Variants in URGCP observed in about 807,000 individuals in gnomAD.
The protein encoded by URGCP is upregulator of cell proliferation, also known as up-regulator of cell proliferation.
Under a neutral mutation model 24.6 loss-of-function variants are expected in URGCP, and 13 were observed. The observed-to-expected ratio is 0.53, with a 90% CI of 0.34 to 0.84. The LOEUF is 0.84. Ranked by LOEUF, URGCP falls within the 40% of genes least tolerant of loss-of-function variation. The pLI is 0.01. For synonymous variants in URGCP, 444 were observed against 487.2 expected, an observed-to-expected ratio of 0.91 and a Z score of 1.17; for missense variants, 899 against 1,194.3, an observed-to-expected ratio of 0.75 and a Z score of 3.64.
intron 1 of URGCP, among the ~76,000 whole-genome samples, chr7:43,896,820 T>TA (rs1320895681): frequency 6.6e-6 from 1 of 152,212 alleles, no homozygotes; most frequent in African/African-American, 2.4e-5. Context: ...CAAAGGGACT[T>TA]ACATACATCT....
intron 1 of URGCP, among the ~76,000 whole-genome samples, chr7:43,902,184 G>T (rs1298972564): frequency 6.9e-6 from 1 of 144,420 alleles, no homozygotes; most frequent in Non-Finnish European, 1.5e-5. Flanking sequence ...GAGGAGGGGG[G>T]AAGAAGAGGG....
chr7:43,877,351 G>C lies in URGCP; in HGVS notation c.2112C>G (p.Gly704=). The part of the protein sequence containing the change: ...VLSTVGVPGT[G]KSTLLNTMFG... ...ACATGGTGTTGAGGAGTGTGGACTT[G>C]CCCGTGCCTGGCACCCCGACGGTTG... Residue 704 remains glycine (G), a synonymous_variant, in exon 6 of 6, where the codon GGC becomes GGG. Transcript: ENST00000453200. 2 of 1,612,592 alleles carry C rather than the reference G, an allele frequency of 1.2e-6. No individual in the cohort carries two copies. Among genetic ancestry groups the C allele is most frequent in the Non-Finnish European group, 8.5e-7 (1 of 1,180,016 alleles).
chr7:43,904,055 CTCTCTGCCG>C (rs1347491169), intron 1 of URGCP, among the ~76,000 whole-genome samples: 3 of 152,226 alleles, frequency 2.0e-5, no homozygotes, highest in Admixed American at 1.3e-4. Context: ...GTCTTCTGCC[CTCTCTGCCG>C]TCTCTATACT....
chr7:43,892,662 C>T (rs910784694), intron 1 of URGCP, among the ~76,000 whole-genome samples: 2 of 151,936 alleles, frequency 1.3e-5, no homozygotes, highest in Non-Finnish European at 2.9e-5. Context: ...GAAATCACAC[C>T]CTATCTCCAA....
rs1364414197 is a variant in URGCP, at chr7:43,876,495, T to C, written c.*172A>G. 1.4e-6 allele frequency: 1 copy of C among 692,730 alleles called. No individual in the cohort carries two copies. The highest frequency in any genetic ancestry group is 1.8e-5 in the African/African-American group (1 of 55,046). 42.9% of individuals were successfully genotyped at this position (692,730 alleles called of 1,614,324 possible). A position where few individuals can be genotyped will look rare whatever the true frequency, so the allele number is the denominator to read the frequency against. On this transcript the variant is annotated 3_prime_UTR_variant, in exon 6 of 6. Coordinates refer to ENST00000453200, the MANE Select transcript of URGCP (RefSeq NM_001077663.3). ...TCTCTGAGCTGGTCTGTGAGGTCACTTCCTCTTTTAACACTGTTGAGGAGA... is the reference window on the plus strand; with the variant it reads ...TCTCTGAGCTGGTCTGTGAGGTCACCTCCTCTTTTAACACTGTTGAGGAGA...
rs2095844403 is a variant in URGCP, at chr7:43,876,428, G to C, written c.*239C>G. ...AGGAGCTGAGACAGAACAAACTGCT[G>C]CTTGTCTCCCTACCCTGGGGGCTGT... On this transcript the variant is annotated 3_prime_UTR_variant, in exon 6 of 6. Coordinates refer to ENST00000453200, the MANE Select transcript of URGCP (RefSeq NM_001077663.3). 36 of 545,050 alleles carry C rather than the reference G, an allele frequency of 6.6e-5. 1 individual carries two copies. The South Asian group carries it at 7.9e-4, about 12-fold the overall frequency. The allele number at this position is 545,050 out of a possible 1,614,324, so 33.8% of individuals were successfully genotyped here.
At position 43,877,142 on chromosome 7, in the gene URGCP, A is replaced by C. The variant is rs771065434; in HGVS notation, c.2321T>G (p.Leu774Trp). Residue 774 changes from leucine (L) to tryptophan (W), a missense_variant, in exon 6 of 6, where the codon TTG (leucine) becomes TGG (tryptophan). By Grantham distance (61) the Leu-to-Trp change is moderately conservative. Coordinates refer to ENST00000453200, the MANE Select transcript of URGCP (RefSeq NM_001077663.3). Reference sequence around the variant, plus strand: ...GCTCAGTCCCATGAGCAGAGTGGCCAAGGAAGCCTCCAGCTCAAATCTGTC... The same window carrying C: ...GCTCAGTCCCATGAGCAGAGTGGCCCAGGAAGCCTCCAGCTCAAATCTGTC... The part of the protein sequence containing the change: ...AGDRFELEAS[L>W]ATLLMGLSNV... The C allele has an allele frequency of 1.2e-6, 2 of 1,614,212 alleles. No homozygotes were observed. The highest frequency in any genetic ancestry group is 1.7e-6 in the Non-Finnish European group (2 of 1,180,026).
Position 43,876,652 on chromosome 7 carries a change from G to T in URGCP, c.*15C>A. 6.2e-7 allele frequency: 1 copy of T among 1,609,630 alleles called. No individual in the cohort carries two copies. Among genetic ancestry groups the T allele is most frequent in the Non-Finnish European group, 8.5e-7 (1 of 1,177,424 alleles). On this transcript the variant is annotated 3_prime_UTR_variant, in exon 6 of 6. Transcript: ENST00000453200. Reference sequence around the variant, plus strand: ...ACAGCAGCCTCCTACACCTGAACTGGGTTTCTCTGCACACTCACAGCCGTC... The same window carrying T: ...ACAGCAGCCTCCTACACCTGAACTGTGTTTCTCTGCACACTCACAGCCGTC...
chr7:43,915,445 T>C (rs544745282), intron 1 of URGCP, among the ~76,000 whole-genome samples: 4 of 152,362 alleles, frequency 2.6e-5, no homozygotes, highest in Non-Finnish European at 5.9e-5. Context: ...GCCTTTTCTA[T>C]GGCATTTTCC....
Position 43,878,722 on chromosome 7 carries a change from C to T in URGCP, c.741G>A (p.Met247Ile), listed in dbSNP as rs984947775. ...CCACGCTGTCTTCCCGGAAGCTCCC[C>T]ATGCCCCTTGGGGGCTGGGACCACC... ...RTWWSQPPRG[M>I]GSFREDSVVL... The change falls in exon 6 of 6, where the codon ATG becomes ATA. Residue 247 changes from methionine to isoleucine, a missense_variant. Physicochemically the swap from Met to Ile is conservative, Grantham distance 10. Coordinates refer to ENST00000453200, the MANE Select transcript of URGCP (RefSeq NM_001077663.3). The surrounding 1 kb of genome is among the most constrained non-coding windows in gnomAD (Gnocchi z 5.6). The T allele has an allele frequency of 2.5e-6, 4 of 1,614,034 alleles. No individual in the cohort carries two copies. In the African/African-American group the frequency reaches 5.3e-5, roughly 22 times the overall value.
chr7:43,906,530 CG>C (rs1338294760), intron 1 of URGCP, 31 bp downstream of exon 1: 3 of 1,211,748 alleles, frequency 2.5e-6, no homozygotes, highest in South Asian at 2.7e-5. Flanking sequence ...CCGGCAGCCG[CG>C]GGGGCGCAGG....
intron 3 of URGCP, chr7:43,882,171 G>A: frequency 1.7e-6 from 1 of 592,012 alleles, no homozygotes; most frequent in Non-Finnish European, 2.6e-6. Flanking sequence ...AGGCATGGTG[G>A]CTCATGCCTG....
At chr7:43,882,342 T>C (rs1242100952) in intron 3 of URGCP, among the ~76,000 whole-genome samples, 2 of 152,104 alleles carry the variant, frequency 1.3e-5, no homozygotes, top group Non-Finnish European at 2.9e-5. Context: ...TGGAATTACT[T>C]GGGAGGCTGA....
Position 43,876,076 on chromosome 7 carries a change from A to G in URGCP, c.*591T>C, listed in dbSNP as rs1243066602. The G allele has an allele frequency of 6.4e-6, 1 of 156,688 alleles. No individual in the cohort carries two copies. Among genetic ancestry groups the G allele is most frequent in the Non-Finnish European group, 1.4e-5 (1 of 70,988 alleles). 9.7% of individuals were successfully genotyped at this position (156,688 alleles called of 1,614,324 possible). ...TGCGTGAAGTGTGTGGCAGAGGTAT[A>G]ACAAAGTGCTGTGGGGCACAACAGA... is the stretch of plus-strand genomic sequence containing the variant. On this transcript the variant is annotated 3_prime_UTR_variant, in exon 6 of 6. Coordinates refer to ENST00000453200, the MANE Select transcript of URGCP (RefSeq NM_001077663.3).
upstream of URGCP, chr7:43,926,477 C>G (rs2132740674): frequency 7.1e-7 from 1 of 1,416,678 alleles, no homozygotes; most frequent in South Asian, 1.4e-5. Flanking sequence ...GAGCCGGCAG[C>G]GGGCCGCCTC....
intron 5 of URGCP, among the ~76,000 whole-genome samples, chr7:43,880,342 G>C (rs1020229574): frequency 1.3e-5 from 2 of 152,200 alleles, no homozygotes; most frequent in Non-Finnish European, 2.9e-5. Context: ...TTATAAGCTA[G>C]ATGCTTGAAA....
chr7:43,916,474 G>A (rs548202752), intron 1 of URGCP, among the ~76,000 whole-genome samples: 3 of 152,126 alleles, frequency 2.0e-5, no homozygotes, highest in East Asian at 1.9e-4. Flanking sequence ...GCTTTGGATC[G>A]AAGCCCTAGG....
chr7:43,906,600 G>A (rs1171431857), upstream of URGCP: 3 of 1,211,994 alleles, frequency 2.5e-6, no homozygotes, highest in African/African-American at 1.6e-5. Flanking sequence ...CTCCGCTCCC[G>A]CCTCCTTCGC....
intron 1 of URGCP, among the ~76,000 whole-genome samples, chr7:43,920,630 TGG>T (rs2095921237): frequency 6.6e-6 from 1 of 152,242 alleles, no homozygotes; most frequent in South Asian, 2.1e-4. Flanking sequence ...CTTGTTTTTC[TGG>T]AAAAAGATTT....
Sources: gnomAD v4.1 joint callset for allele counts (sites outside exome capture counted in the v4.1 genomes callset) on GRCh38, gnomAD v4.1.1 for gene constraint, Gnocchi (gnomAD v3.1) non-coding constraint, MANE v1.5 for transcripts, NCBI Gene and HGNC (gene_info 2026-07-23, HGNC 2026-07-21) for gene names.